The following SLC30A10 variants were observed in gnomAD, a reference collection of about 807,000 sequenced individuals.
The protein encoded by SLC30A10 is solute carrier family 30 member 10, also known as calcium/manganese antiporter SLC30A10.
In SLC30A10, 8 loss-of-function variants were observed where a neutral mutation model predicts 21.7. That is an observed-to-expected ratio of 0.37 (90% CI 0.22 to 0.67). The LOEUF (loss-of-function observed/expected upper bound fraction) is 0.67. Among genes scored for constraint, SLC30A10 ranks in the 30% least tolerant of loss-of-function variants. SLC30A10 has a pLI of 0.58. For missense variants in SLC30A10, 521 were observed against 642.5 expected (o/e 0.81, Z 2.04); for synonymous variants, 272 against 279.4 (o/e 0.97, Z 0.26).
At chr1:219,922,194 T>TTTTTTTTTTTTTTTTTTG in intron 2 of SLC30A10, among the ~76,000 whole-genome samples, 1 of 18,324 alleles carries the variant, frequency 5.5e-5, no homozygotes, top group Non-Finnish European at 1.2e-4. Context: ...TTTTTTTTTT[T>TTTTTTTTTTTTTTTTTTG]TTTTTTTTTT....
intron 1 of SLC30A10, among the ~76,000 whole-genome samples, chr1:219,934,590 C>A (rs895435172): frequency 6.6e-6 from 1 of 152,100 alleles, no homozygotes; most frequent in Non-Finnish European, 1.5e-5. Context: ...TTATATAACA[C>A]CAGGATGATG....
rs1303424449 is a variant in SLC30A10 at position 219,918,527 on chromosome 1, G to C, written c.719-33C>G. ...GAAGAAAGACTACTGCAGCACAGAT[G>C]CAAATCTGGAAGCCACGTGACACTC... is the stretch of plus-strand genomic sequence containing the variant. On this transcript the variant is annotated intron_variant, in intron 2 of 3. Coordinates refer to ENST00000366926, the MANE Select transcript of SLC30A10 (RefSeq NM_018713.3). This position sits in a 1 kb window ranked among gnomAD's most constrained non-coding sequence, Gnocchi z 4.4. 1.3e-6 allele frequency: 2 copies of C among 1,540,678 alleles called. No homozygotes were observed. Among genetic ancestry groups the C allele is most frequent in the South Asian group, 2.5e-5 (2 of 78,964 alleles).
rs904265209 is a variant in SLC30A10 at position 219,913,435 on chromosome 1, T to C, written c.*2014A>G. The C allele has an allele frequency of 6.6e-6, 1 of 152,212 alleles. No homozygotes were observed. The highest frequency in any genetic ancestry group is 2.4e-5 in the African/African-American group (1 of 41,458). 9.4% of individuals were successfully genotyped at this position (152,212 alleles called of 1,614,324 possible). A position where few individuals can be genotyped will look rare whatever the true frequency, so the allele number is the denominator to read the frequency against. On this transcript the variant is annotated 3_prime_UTR_variant, in exon 4 of 4. Transcript: ENST00000366926. ...TTGCACAAAAACTGTGAAATTATAA[T>C]TTTCCCTTTTAATAAAGGCAGAATG...
chr1:219,936,788 C>T (rs1468539051), intron 1 of SLC30A10, among the ~76,000 whole-genome samples: 1 of 152,178 alleles, frequency 6.6e-6, no homozygotes. Context: ...TCTTCAATTA[C>T]GCTCCTAATT....
intron 1 of SLC30A10, among the ~76,000 whole-genome samples, chr1:219,948,963 C>T (rs1239821549): frequency 6.6e-6 from 1 of 152,078 alleles, no homozygotes; most frequent in Non-Finnish European, 1.5e-5. Flanking sequence ...TGAACAGACA[C>T]TTCTCAAAAG....
intron 1 of SLC30A10, among the ~76,000 whole-genome samples, chr1:219,947,112 G>A (rs1248736764): frequency 6.6e-6 from 1 of 152,090 alleles, no homozygotes. Flanking sequence ...CCTTTGTAAG[G>A]AGCCAGCCCC....
chr1:219,957,870 C>A (rs1045344949), intron 1 of SLC30A10, among the ~76,000 whole-genome samples: 1 of 152,142 alleles, frequency 6.6e-6, no homozygotes, highest in African/African-American at 2.4e-5. Flanking sequence ...TAATTCCATT[C>A]TTTTGACAGA....
At chr1:219,951,360 G>A (rs541868941) in intron 1 of SLC30A10, among the ~76,000 whole-genome samples, 1 of 152,242 alleles carries the variant, frequency 6.6e-6, no homozygotes, top group Non-Finnish European at 1.5e-5. Context: ...GAGGGAGGAC[G>A]TTCCAGAACA....
rs747175150 is a variant in SLC30A10 at position 219,915,963 on chromosome 1, A to AGGGGG, written c.959-16_959-15insCCCCC. Reference sequence around the variant, plus strand: ...GAGTTTACTCACTATAACAGAGAAGAGCAAACAAAAGCCAAGGTGAGCGCT... The same window carrying AGGGGG: ...GAGTTTACTCACTATAACAGAGAAGAGGGGGGCAAACAAAAGCCAAGGTGAGCGCT... On this transcript the variant is annotated splice_polypyrimidine_tract_variant and intron_variant, in intron 3 of 3. Transcript: ENST00000366926. 55 of 1,601,510 alleles carry AGGGGG rather than the reference A, an allele frequency of 3.4e-5. No individual in the cohort carries two copies. The highest frequency in any genetic ancestry group is 4.6e-5 in the Non-Finnish European group (54 of 1,173,450).
intron 1 of SLC30A10, among the ~76,000 whole-genome samples, chr1:219,939,871 T>C (rs1424198745): frequency 1.3e-5 from 2 of 152,212 alleles, no homozygotes; most frequent in Non-Finnish European, 1.5e-5. Flanking sequence ...TCATGCCGCA[T>C]GGACTGAGAT....
chr1:219,954,825 A>G (rs575515649), intron 1 of SLC30A10, among the ~76,000 whole-genome samples: 40 of 152,238 alleles, frequency 2.6e-4, no homozygotes, highest in Non-Finnish European at 4.9e-4. Flanking sequence ...TCTATCCCAG[A>G]CAGAAAAAGA....
chr1:219,925,178 CTCT>C (rs771622550), intron 2 of SLC30A10, among the ~76,000 whole-genome samples: 8 of 152,288 alleles, frequency 5.3e-5, no homozygotes, highest in East Asian at 1.9e-4. Flanking sequence ...TGAGGGCCTA[CTCT>C]TCTTCTTCTT....
chr1:219,951,777 A>C (rs1383821802), intron 1 of SLC30A10, among the ~76,000 whole-genome samples: 2 of 151,816 alleles, frequency 1.3e-5, no homozygotes, highest in Admixed American at 6.6e-5. Flanking sequence ...TCTGTCACCC[A>C]GGTTGGAGTG....
At chr1:219,917,877 A>AT (rs1385451662) in intron 3 of SLC30A10, among the ~76,000 whole-genome samples, 1 of 151,606 alleles carries the variant, frequency 6.6e-6, no homozygotes, top group African/African-American at 2.4e-5. Flanking sequence ...CGCCTGGCTA[A>AT]TTTTTTTGTA....
intron 1 of SLC30A10, among the ~76,000 whole-genome samples, chr1:219,955,399 C>G (rs903117550): frequency 1.3e-5 from 2 of 152,192 alleles, no homozygotes; most frequent in Non-Finnish European, 2.9e-5. Flanking sequence ...CCGGCTAGAT[C>G]TGGATCTAAG....
chr1:219,928,689 TC>T (rs1558255135), upstream of SLC30A10: 1 of 420,878 alleles, frequency 2.4e-6, no homozygotes, highest in African/African-American at 2.1e-5. This position sits in a 1 kb window ranked among gnomAD's most constrained non-coding sequence, Gnocchi z 6.3. Context: ...GCGGCCCTTT[TC>T]CCCTCCCTCG....
intron 1 of SLC30A10, among the ~76,000 whole-genome samples, chr1:219,942,345 G>A (rs971975813): frequency 7.9e-5 from 12 of 152,148 alleles, no homozygotes; most frequent in Admixed American, 2.6e-4. Flanking sequence ...AGATCGATGC[G>A]AGATGGAGAG....
chr1:219,929,831 C>G, upstream of SLC30A10, among the ~76,000 whole-genome samples: 1 of 152,152 alleles, frequency 6.6e-6, no homozygotes, highest in East Asian at 1.9e-4. Context: ...CAAGACTCTT[C>G]TATTGACAAC....
chr1:219,915,852 T>C lies in SLC30A10; in HGVS notation c.1055A>G (p.Lys352Arg), dbSNP rs765468456. Residue 352 changes from lysine (K) to arginine (R), a missense_variant, in exon 4 of 4, where the codon AAG (lysine) becomes AGG (arginine). Lys to Arg is a conservative substitution (Grantham distance 26). Transcript: ENST00000366926. The stretch of plus-strand genomic sequence containing the variant: ...TTGATATCCCCTGTCCTTAGGATAC[T>C]TGATGTGCAGGGTGGCAATAATCTT... ...SGKIIATLHIKYPKDRGYQDA... is the reference protein window; with the variant it reads ...SGKIIATLHIRYPKDRGYQDA... 2 of 1,614,242 alleles carry C rather than the reference T, an allele frequency of 1.2e-6. No individual in the cohort carries two copies. The highest frequency in any genetic ancestry group is 2.2e-5 in the South Asian group (2 of 91,088).
Sources: gnomAD v4.1 joint callset for allele counts (sites outside exome capture counted in the v4.1 genomes callset) on GRCh38, gnomAD v4.1.1 for gene constraint, Gnocchi (gnomAD v3.1) non-coding constraint, MANE v1.5 for transcripts, NCBI Gene and HGNC (gene_info 2026-07-23, HGNC 2026-07-21) for gene names.